Variants in IQGAP2 observed in about 807,000 individuals in gnomAD.
The protein encoded by IQGAP2 is IQ motif containing GTPase activating protein 2, also known as ras GTPase-activating-like protein IQGAP2.
Under a neutral mutation model 201.3 loss-of-function variants are expected in IQGAP2, and 173 were observed. The observed-to-expected ratio is 0.86, with a 90% confidence interval of 0.76 to 0.98. IQGAP2 has a LOEUF of 0.98. Among genes scored for constraint, IQGAP2 ranks in the 50% least tolerant of loss-of-function variants. IQGAP2 has a pLI of 0.00. For synonymous variants in IQGAP2, 675 were observed against 673.9 expected, an observed-to-expected ratio of 1.00 and a Z score of -0.03; for missense variants, 1,687 against 1,864.8, an observed-to-expected ratio of 0.90 and a Z score of 1.76.
At chr5:76,677,403 G>C in intron 28 of IQGAP2, 53 bp downstream of exon 28, 1 of 1,569,148 alleles carries the variant, frequency 6.4e-7, no homozygotes, top group South Asian at 1.1e-5. Flanking sequence ...TTAGGCATCT[G>C]TTATCTTGAA....
chr5:76,500,540 A>G (rs1395089319), intron 2 of IQGAP2, among the ~76,000 whole-genome samples: 1 of 152,232 alleles, frequency 6.6e-6, no homozygotes, highest in Non-Finnish European at 1.5e-5. Context: ...ACGAAAGTGC[A>G]TGGAACATAT....
intron 2 of IQGAP2, among the ~76,000 whole-genome samples, chr5:76,515,697 G>T (rs1275767344): frequency 1.3e-5 from 2 of 152,154 alleles, no homozygotes; most frequent in Non-Finnish European, 2.9e-5. Flanking sequence ...ATGTCCAGAT[G>T]TGAAACGGCA....
intron 35 of IQGAP2, among the ~76,000 whole-genome samples, chr5:76,703,544 C>G (rs1265824536): frequency 2.6e-5 from 4 of 151,018 alleles, no homozygotes; most frequent in Non-Finnish European, 5.9e-5. Context: ...AAACAGATAT[C>G]TATACATAGA....
intron 1 of IQGAP2, among the ~76,000 whole-genome samples, chr5:76,437,344 T>C (rs1366829451): frequency 6.6e-6 from 1 of 152,222 alleles, no homozygotes; most frequent in Admixed American, 6.5e-5. Context: ...TGAGCCACCA[T>C]GCCCAGCCTA....
At chr5:76,664,333 G>A (rs253091) in intron 21 of IQGAP2, among the ~76,000 whole-genome samples, 35,360 of 152,132 alleles carry the variant, frequency 0.23, 4,603 homozygotes, top group East Asian at 0.53. Flanking sequence ...ACATTTATTG[G>A]TTAAGTTCTA....
At chr5:76,572,921 T>C (rs1290782977) in intron 4 of IQGAP2, among the ~76,000 whole-genome samples, 4 of 152,360 alleles carry the variant, frequency 2.6e-5, no homozygotes, top group African/African-American at 9.6e-5. Flanking sequence ...TGTGCTCATA[T>C]CTGTTTTAGG....
intron 20 of IQGAP2, among the ~76,000 whole-genome samples, chr5:76,656,355 G>C (rs1232014564): frequency 1.3e-5 from 2 of 151,936 alleles, no homozygotes; most frequent in Admixed American, 1.3e-4. Flanking sequence ...CTAATTTTTT[G>C]TATTTTTAGT....
At chr5:76,625,835 T>G (rs1488327536) in intron 13 of IQGAP2, among the ~76,000 whole-genome samples, 2 of 152,224 alleles carry the variant, frequency 1.3e-5, no homozygotes, top group Non-Finnish European at 1.5e-5. Flanking sequence ...CAGTCTTGAC[T>G]TAGGATTTAG....
At chr5:76,488,311 TAATC>T (rs1322685256) in intron 2 of IQGAP2, among the ~76,000 whole-genome samples, 1 of 152,224 alleles carries the variant, frequency 6.6e-6, no homozygotes, top group Non-Finnish European at 1.5e-5. Flanking sequence ...TGGTATCTGT[TAATC>T]AAGTTCTATT....
chr5:76,413,796 A>G (rs1751266520), intron 1 of IQGAP2, among the ~76,000 whole-genome samples: 1 of 152,138 alleles, frequency 6.6e-6, no homozygotes, highest in Non-Finnish European at 1.5e-5. Context: ...TGCTATCTAG[A>G]TGGGAAGGAG....
intron 1 of IQGAP2, among the ~76,000 whole-genome samples, chr5:76,447,660 G>A (rs867895109): frequency 2.0e-5 from 3 of 152,194 alleles, no homozygotes; most frequent in Middle Eastern, 6.8e-3. Context: ...TGGGTGCTTG[G>A]TTGGTTAAAC....
rs1228077002 is a variant in IQGAP2 at position 76,707,978 on chromosome 5, G to A, written c.*665G>A. Reference sequence around the variant, plus strand: ...GACTAAGGAACAACATAGATAGTGAGCATAGTCCCCACCTCCACCCCTCAC... The same window carrying A: ...GACTAAGGAACAACATAGATAGTGAACATAGTCCCCACCTCCACCCCTCAC... On this transcript the variant is annotated 3_prime_UTR_variant, in exon 36 of 36. Coordinates refer to ENST00000274364, the MANE Select transcript of IQGAP2 (RefSeq NM_006633.5). The A allele has an allele frequency of 1.3e-5, 2 of 152,634 alleles. No homozygotes were observed. Among genetic ancestry groups the A allele is most frequent in the African/African-American group, 4.8e-5 (2 of 41,444 alleles). The allele number at this position is 152,634 out of a possible 1,614,324, so 9.5% of individuals were successfully genotyped here. A position where few individuals can be genotyped will look rare whatever the true frequency, so the allele number is the denominator to read the frequency against.
At chr5:76,555,212 GATA>G (rs1375325459) in intron 2 of IQGAP2, among the ~76,000 whole-genome samples, 5 of 152,260 alleles carry the variant, frequency 3.3e-5, no homozygotes, top group Admixed American at 6.5e-5. Context: ...TTCTAAAATT[GATA>G]ATGATGATGG....
intron 2 of IQGAP2, among the ~76,000 whole-genome samples, chr5:76,515,643 T>C (rs1758271688): frequency 6.6e-6 from 1 of 152,176 alleles, no homozygotes; most frequent in South Asian, 2.1e-4. Flanking sequence ...TTAAAAATTG[T>C]TTAAGTAAAG....
intron 2 of IQGAP2, among the ~76,000 whole-genome samples, chr5:76,506,480 C>A (rs1303071676): frequency 6.6e-6 from 1 of 152,198 alleles, no homozygotes; most frequent in Non-Finnish European, 1.5e-5. Flanking sequence ...CAAATCTATG[C>A]ATCTTATTTG....
At chr5:76,456,985 TTTTC>T (rs556619312) in intron 1 of IQGAP2, among the ~76,000 whole-genome samples, 2 of 152,072 alleles carry the variant, frequency 1.3e-5, no homozygotes, top group Admixed American at 6.6e-5. Flanking sequence ...GGACATATTT[TTTTC>T]TTTCTTTCTT....
At chr5:76,650,829 G>A (rs905803167) in intron 17 of IQGAP2, among the ~76,000 whole-genome samples, 3 of 152,166 alleles carry the variant, frequency 2.0e-5, no homozygotes, top group Admixed American at 2.0e-4. Flanking sequence ...TGCAATTGCA[G>A]TGTCTCTAGC....
chr5:76,422,600 C>T (rs896932285), intron 1 of IQGAP2, among the ~76,000 whole-genome samples: 3 of 152,134 alleles, frequency 2.0e-5, no homozygotes, highest in Admixed American at 6.6e-5. Flanking sequence ...AATTTTGAAA[C>T]GCAGACAATC....
intron 1 of IQGAP2, among the ~76,000 whole-genome samples, chr5:76,441,251 G>A (rs554908397): frequency 2.0e-5 from 3 of 152,312 alleles, no homozygotes; most frequent in Admixed American, 6.5e-5. Flanking sequence ...TAAGTGTTCA[G>A]CAGTGGTTAG....
Sources: allele counts gnomAD v4.1 joint callset (sites outside exome capture counted in the v4.1 genomes callset), GRCh38; gene constraint gnomAD v4.1.1; transcripts MANE v1.5; gene names NCBI Gene and HGNC (gene_info 2026-07-23, HGNC 2026-07-21).